Variants in CEP250 observed in about 807,000 individuals in gnomAD.
CEP250 encodes the protein centrosome-associated protein CEP250.
A neutral mutation model predicts 315.7 loss-of-function variants in CEP250; 242 were observed. The ratio of observed to expected loss-of-function variants is 0.77; its 90% CI spans 0.69 to 0.85. The LOEUF (loss-of-function observed/expected upper bound fraction) is 0.85. Ranked by LOEUF, CEP250 falls within the 40% of genes least tolerant of loss-of-function variation. The pLI is 0.00. For missense variants in CEP250, 2,515 were observed against 2,886.4 expected (o/e 0.87, Z 2.95); for synonymous variants, 1,088 against 1,175.0 (o/e 0.93, Z 1.51).
Position 35,462,644 on chromosome 20 carries a change from TGTG to T in CEP250, c.186+96_186+98del, listed in dbSNP as rs2062782086. On this transcript the variant is annotated intron_variant, in intron 4 of 34. Coordinates refer to ENST00000397527, the MANE Select transcript of CEP250 (RefSeq NM_007186.6). ...ATAAGGGTTGCAGGAGGCAGAGTCT[TGTG>T]GTGGGAGTGGCCTACATCTAGCATG... 2.0e-5 allele frequency: 23 copies of T among 1,149,098 alleles called. No homozygotes were observed. In the South Asian group the frequency reaches 2.5e-4, roughly 12 times the overall value. 71.2% of individuals were successfully genotyped at this position (1,149,098 alleles called of 1,614,324 possible). A position where few individuals can be genotyped will look rare whatever the true frequency, so the allele number is the denominator to read the frequency against.
rs775119107 is a variant in CEP250 at position 35,472,689 on chromosome 20, G to T, written c.1067G>T (p.Gly356Val). The part of the protein sequence containing the change: ...KDITQVMVEE[G>V]DNIAQGSGHE... ...GGGTTTCAGGTCATGGTGGAAGAAG[G>T]GGACAATATAGCCCAAGGCTCTGGT... Residue 356 changes from glycine (G) to valine (V), a missense_variant, in exon 12 of 35, where the codon GGG becomes GTG. Coordinates refer to ENST00000397527, the MANE Select transcript of CEP250 (RefSeq NM_007186.6). 2 of 1,614,034 alleles carry T rather than the reference G, an allele frequency of 1.2e-6. No individual in the cohort carries two copies. Among genetic ancestry groups the T allele is most frequent in the Non-Finnish European group, 1.7e-6 (2 of 1,180,044 alleles).
rs1446238748 is a variant in CEP250 at position 35,504,667 on chromosome 20, C to T, written c.6298C>T (p.Gln2100Ter). 1 of 1,614,070 alleles carries T rather than the reference C, an allele frequency of 6.2e-7. No individual in the cohort carries two copies. Among genetic ancestry groups the T allele is most frequent in the Non-Finnish European group, 8.5e-7 (1 of 1,180,030 alleles). The stretch of plus-strand genomic sequence containing the variant: ...CCTTCATCAGAGTGTAAGGGAGCTA[C>T]AGCTGACTCTAGCCCAAAAGGAACA... ...RGLHQSVREL[Q>*]LTLAQKEQEI... Residue 2100 changes from glutamine (Q) to a stop codon, truncating the protein, a stop_gained, in exon 30 of 35, where the codon CAG (glutamine) becomes TAG (stop). Transcript: ENST00000397527. LOFTEE classifies it high-confidence loss of function.
chr20:35,465,649 A>T, intron 5 of CEP250, 94 bp from the exon 6 acceptor site: 1 of 835,070 alleles, frequency 1.2e-6, no homozygotes, highest in Non-Finnish European at 1.8e-6. Context: ...AAAGAATAAA[A>T]AGAAAGTGGA....
chr20:35,509,858 G>A (rs573301103), intron 33 of CEP250, 140 bp from the exon 34 acceptor site: 52 of 749,460 alleles, frequency 6.9e-5, no homozygotes, highest in South Asian at 2.0e-4. Flanking sequence ...CCCCATAGAC[G>A]TCCAGTCTGA....
chr20:35,479,082 T>C (rs950269799), intron 17 of CEP250, 149 bp from the exon 18 acceptor site: 1 of 708,600 alleles, frequency 1.4e-6, no homozygotes, highest in Non-Finnish European at 2.3e-6. Flanking sequence ...ATCAGGGAAA[T>C]AGATAAATGC....
intron 7 of CEP250, among the ~76,000 whole-genome samples, chr20:35,466,562 G>T (rs1568759752): frequency 6.6e-6 from 1 of 152,128 alleles, no homozygotes; most frequent in Non-Finnish European, 1.5e-5. Flanking sequence ...AAACTGAATG[G>T]GAAAGAAAGA....
At chr20:35,497,125 A>G (rs771882867) in intron 25 of CEP250, among the ~76,000 whole-genome samples, 2 of 152,122 alleles carry the variant, frequency 1.3e-5, no homozygotes, top group Non-Finnish European at 2.9e-5. Flanking sequence ...TCAGAACCCC[A>G]GATATTGTAT....
At position 35,519,132 on chromosome 20, in the gene CEP250, A is replaced by G. The variant is rs1316648973; in HGVS notation, c.*7506A>G. The G allele has an allele frequency of 6.6e-6, 1 of 152,102 alleles. No individual in the cohort carries two copies. Among genetic ancestry groups the G allele is most frequent in the African/African-American group, 2.4e-5 (1 of 41,430 alleles). The allele number at this position is 152,102 out of a possible 1,614,324, so 9.4% of individuals were successfully genotyped here. On this transcript the variant is annotated 3_prime_UTR_variant, in exon 35 of 35. Coordinates refer to ENST00000397527, the MANE Select transcript of CEP250 (RefSeq NM_007186.6). ...GGCTGTTCAGATGACAGAGGGAGAA[A>G]ATGTACTTTGTAAACTGTTAGTTCA...
intron 3 of CEP250, among the ~76,000 whole-genome samples, chr20:35,460,591 G>T (rs564884233): frequency 6.6e-6 from 1 of 152,356 alleles, no homozygotes; most frequent in Admixed American, 6.5e-5. Flanking sequence ...AAACGGGCAG[G>T]CACTATTCAA....
rs576009521 is a variant in CEP250, at chr20:35,506,023, G to C, written c.6636+1018G>C. On this transcript the variant is annotated intron_variant, in intron 30 of 34. Transcript: ENST00000397527. ...TACTGGGAAGTCCAGGGGAGAGCTTGTGCCCTAAGATGGAAAGTGTGAATG... is the reference window on the plus strand; with the variant it reads ...TACTGGGAAGTCCAGGGGAGAGCTTCTGCCCTAAGATGGAAAGTGTGAATG... Among the ~76,000 whole-genome samples the C allele has an allele frequency of 2.3e-4, 35 of 152,332 alleles. 1 individual carries two copies. Among genetic ancestry groups the C allele is most frequent in the African/African-American group, 8.2e-4 (34 of 41,576 alleles).
chr20:35,465,558 T>C (rs1293967115), intron 5 of CEP250, among the ~76,000 whole-genome samples, 185 bp from the exon 6 acceptor site: 1 of 152,238 alleles, frequency 6.6e-6, no homozygotes, highest in African/African-American at 2.4e-5. Flanking sequence ...GAAGGCCGTC[T>C]TTCAGGAGAG....
chr20:35,504,435 A>G lies in CEP250; in HGVS notation c.6066A>G (p.Gln2022=), dbSNP rs746967269. 6.2e-7 allele frequency: 1 copy of G among 1,611,016 alleles called. No homozygotes were observed. Among genetic ancestry groups the G allele is most frequent in the Non-Finnish European group, 8.5e-7 (1 of 1,178,678 alleles). ...AGCTGGAGGAGGCTCTGAGGATACA[A>G]GAAGGTGAGATCCAGGACCAGGATC... is the stretch of plus-strand genomic sequence containing the variant. The part of the protein sequence containing the change: ...SRQLEEALRI[Q]EGEIQDQDLR... The change falls in exon 30 of 35, where the codon CAA becomes CAG. Residue 2022 remains glutamine (Q), a synonymous_variant. Transcript: ENST00000397527.
At chr20:35,499,467 A>G (rs903767531) in intron 27 of CEP250, among the ~76,000 whole-genome samples, 1 of 152,220 alleles carries the variant, frequency 6.6e-6, no homozygotes, top group Non-Finnish European at 1.5e-5. Flanking sequence ...ATTCCACCTC[A>G]CAGTGAACCT....
At chr20:35,466,549 A>G (rs1377878916) in intron 7 of CEP250, among the ~76,000 whole-genome samples, 3 of 152,292 alleles carry the variant, frequency 2.0e-5, no homozygotes, top group Non-Finnish European at 2.9e-5. Flanking sequence ...GGAGGTAGAT[A>G]TGAAACTGAA....
Position 35,497,986 on chromosome 20 carries a change from G to A in CEP250, c.3574G>A (p.Ala1192Thr). 1 of 1,613,408 alleles carries A rather than the reference G, an allele frequency of 6.2e-7. No homozygotes were observed. Among genetic ancestry groups the A allele is most frequent in the African/African-American group, 1.3e-5 (1 of 75,064 alleles). ...CAGCCTCTACTCTGCCCTGCAGCAG[G>A]CCCTGGGGTCTGTTTGTGAGAGCAG... ...LASLYSALQQ[A>T]LGSVCESRPE... The change falls in exon 26 of 35, where the codon GCC becomes ACC. Residue 1192 changes from alanine (A) to threonine (T), a missense_variant. Ala to Thr is a moderately conservative substitution (Grantham distance 58). Coordinates refer to ENST00000397527, the MANE Select transcript of CEP250 (RefSeq NM_007186.6).
intron 1 of CEP250, among the ~76,000 whole-genome samples, chr20:35,457,657 G>A (rs1342471860): frequency 2.6e-5 from 4 of 152,114 alleles, no homozygotes; most frequent in Non-Finnish European, 5.9e-5. Flanking sequence ...AAATTAGCTG[G>A]TCGTGGTGGC....
chr20:35,490,574 C>T (rs1284630405), intron 20 of CEP250, 63 bp from the exon 21 acceptor site: 1 of 1,513,398 alleles, frequency 6.6e-7, no homozygotes, highest in East Asian at 2.3e-5. Context: ...TTTTTCCAAT[C>T]CAGTACCCCT....
chr20:35,467,121 A>T, intron 8 of CEP250, 49 bp downstream of exon 8: 1 of 1,341,350 alleles, frequency 7.5e-7, no homozygotes. Context: ...CCAATTCTGG[A>T]CTAATAACAG....
rs1033847372 is a variant in CEP250 at position 35,515,720 on chromosome 20, A to C, written c.*4094A>C. The C allele has an allele frequency of 3.3e-5, 5 of 152,544 alleles. No homozygotes were observed. Among genetic ancestry groups the C allele is most frequent in the Admixed American group, 2.6e-4 (4 of 15,278 alleles). 9.4% of individuals were successfully genotyped at this position (152,544 alleles called of 1,614,324 possible). A position where few individuals can be genotyped will look rare whatever the true frequency, so the allele number is the denominator to read the frequency against. On this transcript the variant is annotated 3_prime_UTR_variant, in exon 35 of 35. Transcript: ENST00000397527. ...CAGAGCGGGGGAATGGGGCCAGGGGACAGGGGCAGGGAAGAGGAAGAAGCA... is the reference window on the plus strand; with the variant it reads ...CAGAGCGGGGGAATGGGGCCAGGGGCCAGGGGCAGGGAAGAGGAAGAAGCA...
Sources: gnomAD v4.1 joint callset for allele counts (sites outside exome capture counted in the v4.1 genomes callset) on GRCh38, gnomAD v4.1.1 for gene constraint, MANE v1.5 for transcripts, NCBI Gene and HGNC (gene_info 2026-07-23, HGNC 2026-07-21) for gene names.